The following DPYD variants were observed in gnomAD, a reference collection of about 807,000 sequenced individuals.
DPYD encodes dihydropyrimidine dehydrogenase [NADP(+)].
Under a neutral mutation model 116.2 loss-of-function variants are expected in DPYD, and 109 were observed. That is an observed-to-expected ratio of 0.94 (90% CI 0.80 to 1.10). The LOEUF (loss-of-function observed/expected upper bound fraction) is 1.10, where lower values mean the gene tolerates loss of function less well. DPYD is among the 50% of genes least tolerant of loss of function. DPYD has a pLI of 0.00. For synonymous variants in DPYD, 440 were observed against 432.0 expected (o/e 1.02, Z -0.23); for missense variants, 1,302 against 1,254.5 (o/e 1.04, Z -0.57).
chr1:97,297,558 A>G (rs2101009687), intron 18 of DPYD, among the ~76,000 whole-genome samples: 1 of 152,330 alleles, frequency 6.6e-6, no homozygotes, highest in South Asian at 2.1e-4. Context: ...AACAGCAGGG[A>G]CACTGCATTG....
chr1:97,844,916 G>A (rs1029411218), intron 2 of DPYD, among the ~76,000 whole-genome samples: 4 of 152,254 alleles, frequency 2.6e-5, no homozygotes, highest in African/African-American at 9.6e-5. Context: ...CCTGAGCCCA[G>A]GTGCTGTCGC....
intron 1 of DPYD, among the ~76,000 whole-genome samples, chr1:97,917,027 A>C (rs890205686): frequency 1.3e-5 from 2 of 152,232 alleles, no homozygotes; most frequent in African/African-American, 4.8e-5. Flanking sequence ...ACTATGGCCC[A>C]CAAAACAGCT....
intron 3 of DPYD, among the ~76,000 whole-genome samples, chr1:97,744,113 A>C (rs1664416836): frequency 6.6e-6 from 1 of 152,192 alleles, no homozygotes; most frequent in Non-Finnish European, 1.5e-5. Context: ...ATTTGACATG[A>C]ACATAAAAAT....
chr1:97,560,356 T>C lies in DPYD; in HGVS notation c.1340-10612A>G, dbSNP rs1049024960. On this transcript the variant is annotated intron_variant, in intron 11 of 22. Coordinates refer to ENST00000370192, the MANE Select transcript of DPYD (RefSeq NM_000110.4). ...AAGAAATATAATGTAGGTAAATAGA[T>C]TGATGACGTGGAGGTCAATGAACCG... Among the ~76,000 whole-genome samples, 6 of 152,192 alleles carry C rather than the reference T, an allele frequency of 3.9e-5. No individual in the cohort carries two copies. In the East Asian group the frequency reaches 9.6e-4, roughly 24 times the overall value.
chr1:97,236,840 TGTGTTGGAGCA>T (rs1456544299), intron 18 of DPYD, among the ~76,000 whole-genome samples: 1 of 152,180 alleles, frequency 6.6e-6, no homozygotes, highest in African/African-American at 2.4e-5. Context: ...AGGTCATGCA[TGTGTTGGAGCA>T]GTGGATATAT....
intron 20 of DPYD, among the ~76,000 whole-genome samples, chr1:97,173,365 T>TAC (rs1392520156): frequency 1.3e-5 from 2 of 149,416 alleles, no homozygotes; most frequent in South Asian, 2.2e-4. Flanking sequence ...TGTACATATA[T>TAC]ACATATATGT....
Position 97,082,365 on chromosome 1 carries a change from T to C in DPYD, c.2872A>G (p.Lys958Glu), listed in dbSNP as rs141044036. 2.8e-5 allele frequency: 45 copies of C among 1,613,494 alleles called. No homozygotes were observed. Among genetic ancestry groups the C allele is most frequent in the Non-Finnish European group, 3.7e-5 (44 of 1,179,626 alleles). Residue 958 changes from lysine to glutamate, a missense_variant, in exon 22 of 23, where the codon AAA becomes GAA. Coordinates refer to ENST00000370192, the MANE Select transcript of DPYD (RefSeq NM_000110.4). ...GAATCATTACAGGTCATGTAGCATTTACCACAGTTGATACACATTTCTTCA... is the reference window on the plus strand; with the variant it reads ...GAATCATTACAGGTCATGTAGCATTCACCACAGTTGATACACATTTCTTCA... ...IDEEMCINCG[K>E]CYMTCNDSGY... is the part of the protein sequence containing the mutation.
intron 8 of DPYD, among the ~76,000 whole-genome samples, chr1:97,597,061 G>T (rs557220850): frequency 3.0e-4 from 45 of 152,206 alleles, no homozygotes; most frequent in African/African-American, 1.0e-3. Context: ...GAAAACCTGG[G>T]TTGGAGGGAT....
chr1:97,905,738 C>T (rs1673584029), intron 1 of DPYD, among the ~76,000 whole-genome samples: 1 of 152,146 alleles, frequency 6.6e-6, no homozygotes, highest in Admixed American at 6.6e-5. Context: ...GAATATTAAA[C>T]ATCTTATTGA....
At chr1:97,739,192 T>C (rs79934691) in intron 4 of DPYD, among the ~76,000 whole-genome samples, 2,072 of 152,216 alleles carry the variant, frequency 0.014, 44 homozygotes, top group African/African-American at 0.047. Context: ...AAAACAGCAA[T>C]CACTTCTATA....
intron 10 of DPYD, among the ~76,000 whole-genome samples, chr1:97,588,566 T>C (rs1654299758): frequency 6.6e-6 from 1 of 152,334 alleles, no homozygotes; most frequent in African/African-American, 2.4e-5. Context: ...CAGCTTTTAA[T>C]ACCAGCATTT....
chr1:97,887,506 T>C (rs1443759814), intron 1 of DPYD, among the ~76,000 whole-genome samples: 1 of 118,026 alleles, frequency 8.5e-6, no homozygotes. Context: ...GTATATCCAG[T>C]CGCTAGTAAC....
At chr1:97,393,434 C>T (rs953499191) in intron 14 of DPYD, among the ~76,000 whole-genome samples, 3 of 151,812 alleles carry the variant, frequency 2.0e-5, no homozygotes, top group Non-Finnish European at 4.4e-5. Flanking sequence ...CTAATGCTAT[C>T]CCTCCCCACT....
intron 11 of DPYD, among the ~76,000 whole-genome samples, chr1:97,565,697 TCTATTTCTCTCATTAGC>T (rs1459096400): frequency 6.6e-6 from 1 of 152,202 alleles, no homozygotes; most frequent in Non-Finnish European, 1.5e-5. Context: ...TATTTACATG[TCTATTTCTCTCATTAGC>T]CTATAGGTCC....
intron 2 of DPYD, among the ~76,000 whole-genome samples, chr1:97,869,525 T>C (rs1361289517): frequency 6.6e-6 from 1 of 151,838 alleles, no homozygotes; most frequent in African/African-American, 2.4e-5. Context: ...GAAAGAGCTC[T>C]TTGCTCTTTG....
At chr1:97,709,171 C>T (rs1321916545) in intron 5 of DPYD, among the ~76,000 whole-genome samples, 1 of 151,708 alleles carries the variant, frequency 6.6e-6, no homozygotes, top group East Asian at 1.9e-4. Flanking sequence ...GTTCCCTTCC[C>T]TACAAATATT....
At chr1:97,620,707 A>G (rs1374487104) in intron 8 of DPYD, among the ~76,000 whole-genome samples, 2 of 152,122 alleles carry the variant, frequency 1.3e-5, no homozygotes, top group Admixed American at 6.6e-5. Flanking sequence ...TTCTATTCGT[A>G]TATGCTCTTT....
intron 3 of DPYD, among the ~76,000 whole-genome samples, chr1:97,771,828 C>T (rs2101164260): frequency 6.6e-6 from 1 of 152,186 alleles, no homozygotes; most frequent in South Asian, 2.1e-4. Flanking sequence ...AAATGAATAA[C>T]TTGTGTGCTT....
intron 17 of DPYD, 150 bp from the exon 18 acceptor site, chr1:97,305,528 A>AT: frequency 9.6e-7 from 1 of 1,042,978 alleles, no homozygotes; most frequent in Non-Finnish European, 1.4e-6. Flanking sequence ...TAACTCCTAC[A>AT]TTTATGTTTA....
Sources: allele counts gnomAD v4.1 joint callset (sites outside exome capture counted in the v4.1 genomes callset), GRCh38; gene constraint gnomAD v4.1.1; transcripts MANE v1.5; gene names NCBI Gene and HGNC (gene_info 2026-07-23, HGNC 2026-07-21).